RFX6: variants seen among roughly 807,000 people sequenced by gnomAD.
RFX6 encodes DNA-binding protein RFX6.
In RFX6, 50 loss-of-function variants were observed where a neutral mutation model predicts 110.8. That is an observed-to-expected ratio of 0.45 (90% confidence interval 0.36 to 0.57). The LOEUF is 0.57. Ranked by LOEUF, RFX6 falls within the 20% of genes least tolerant of loss-of-function variation. RFX6 has a pLI of 0.00. For missense variants in RFX6, 990 were observed against 1,127.0 expected, an observed-to-expected ratio of 0.88 and a Z score of 1.74; for synonymous variants, 383 against 411.2, an observed-to-expected ratio of 0.93 and a Z score of 0.83.
At chr6:116,909,941 A>G (rs996364410) in intron 6 of RFX6, among the ~76,000 whole-genome samples, 8 of 151,778 alleles carry the variant, frequency 5.3e-5, no homozygotes, top group African/African-American at 1.7e-4. Context: ...CTCTACCCTT[A>G]TAAGTTCTAG....
intron 6 of RFX6, among the ~76,000 whole-genome samples, chr6:116,910,548 G>A (rs576074015): frequency 4.6e-5 from 7 of 152,284 alleles, no homozygotes; most frequent in South Asian, 2.1e-4. Flanking sequence ...TTGTAAAAAG[G>A]AAGGTTGGAT....
At chr6:116,906,131 C>G (rs1399715061) in intron 6 of RFX6, among the ~76,000 whole-genome samples, 1 of 152,134 alleles carries the variant, frequency 6.6e-6, no homozygotes, top group Admixed American at 6.5e-5. Flanking sequence ...TAGAATTGTC[C>G]TTTCCCCATA....
chr6:116,930,126 A>G (rs924457159), intron 18 of RFX6, among the ~76,000 whole-genome samples: 5 of 152,204 alleles, frequency 3.3e-5, no homozygotes, highest in Non-Finnish European at 2.9e-5. Flanking sequence ...ACATAGGTTA[A>G]GAGTAGGGTG....
At chr6:116,917,938 C>A in intron 9 of RFX6, 99 bp from the exon 10 acceptor site, 1 of 810,592 alleles carries the variant, frequency 1.2e-6, no homozygotes, top group Non-Finnish European at 2.1e-6. Flanking sequence ...ACATGTTATT[C>A]TCTAGGAAGC....
At position 116,928,838 on chromosome 6, in the gene RFX6, C is replaced by T; in HGVS notation, c.2478C>T (p.Ser826=). 2 of 1,613,952 alleles carry T rather than the reference C, an allele frequency of 1.2e-6. No homozygotes were observed. Among genetic ancestry groups the T allele is most frequent in the African/African-American group, 1.3e-5 (1 of 75,050 alleles). ...SMVNQHVSVI[S]SIRSLPPYSD... ...TGAATCAGCACGTTTCTGTCATCAG[C>T]AGCATTCGTTCACTGCCCCCCTACA... Residue 826 remains serine, a synonymous_variant, in exon 18 of 19, where the codon AGC becomes AGT. Transcript: ENST00000332958.
At chr6:116,924,854 T>A (rs1040119432) in intron 15 of RFX6, 63 bp downstream of exon 15, 2 of 1,233,492 alleles carry the variant, frequency 1.6e-6, no homozygotes, top group Non-Finnish European at 2.4e-6. Flanking sequence ...TTCAAGAATT[T>A]ATAAGTTCAG....
intron 18 of RFX6, among the ~76,000 whole-genome samples, chr6:116,929,520 CATGTAAGTA>C (rs1363963361): frequency 6.6e-6 from 1 of 152,082 alleles, no homozygotes; most frequent in Non-Finnish European, 1.5e-5. Flanking sequence ...TCTAACATAT[CATGTAAGTA>C]AAAATAAGAA....
At position 116,915,904 on chromosome 6, in the gene RFX6, T is replaced by C; in HGVS notation, c.781-104T>C. On this transcript the variant is annotated intron_variant, in intron 7 of 18. Transcript: ENST00000332958. ...GAGTCCTCAACATTGAGCATACTGC[T>C]TGGTACGTAATAGGATCTTTTAAAA... 5 of 837,702 alleles carry C rather than the reference T, an allele frequency of 6.0e-6. No individual in the cohort carries two copies. The East Asian group carries it at 9.8e-5, about 16-fold the overall frequency. 51.9% of individuals were successfully genotyped at this position (837,702 alleles called of 1,614,324 possible).
intron 6 of RFX6, among the ~76,000 whole-genome samples, chr6:116,905,456 T>C (rs984327394): frequency 1.3e-5 from 2 of 152,182 alleles, no homozygotes; most frequent in African/African-American, 4.8e-5. Context: ...TTATGAAACA[T>C]GATTTGCAAA....
chr6:116,925,329 T>C, intron 15 of RFX6, 124 bp from the exon 16 acceptor site: 1 of 881,672 alleles, frequency 1.1e-6, no homozygotes, highest in Non-Finnish European at 1.9e-6. Flanking sequence ...ATGGGAAACA[T>C]TGCTTAGTAG....
rs138630874 is a variant in RFX6 at position 116,889,936 on chromosome 6, G to A, written c.567-4051G>A. ...CTATTACAGGGAGCTTACATTCTGC[G>A]AGTTTATACATGAAATGTCAAATAT... On this transcript the variant is annotated intron_variant, in intron 4 of 18. Coordinates refer to ENST00000332958, the MANE Select transcript of RFX6 (RefSeq NM_173560.4). 2.6e-3 allele frequency among the ~76,000 whole-genome samples: 400 copies of A among 151,962 alleles called. 2 individuals are homozygous for A. The highest frequency in any genetic ancestry group is 9.1e-3 in the African/African-American group (377 of 41,468).
intron 6 of RFX6, among the ~76,000 whole-genome samples, chr6:116,895,976 C>G (rs929579850): frequency 6.6e-6 from 1 of 152,176 alleles, no homozygotes; most frequent in African/African-American, 2.4e-5. Context: ...TGGCCAATTT[C>G]TTTCCACCAG....
At chr6:116,903,033 A>C (rs1316772163) in intron 6 of RFX6, among the ~76,000 whole-genome samples, 1 of 152,072 alleles carries the variant, frequency 6.6e-6, no homozygotes, top group African/African-American at 2.4e-5. Context: ...GGAAAAAACA[A>C]AACAAACCCA....
At chr6:116,924,597 C>A (rs1775668450) in intron 14 of RFX6, 72 bp from the exon 15 acceptor site, 3 of 1,357,182 alleles carry the variant, frequency 2.2e-6, no homozygotes, top group Admixed American at 3.4e-5. Context: ...ACTTCTCTTT[C>A]CCTTTCCTTC....
chr6:116,923,950 G>T (rs1331842148), intron 14 of RFX6, among the ~76,000 whole-genome samples: 2 of 151,994 alleles, frequency 1.3e-5, no homozygotes, highest in Non-Finnish European at 2.9e-5. Context: ...TAACTAAATT[G>T]TTTTTATTTA....
At chr6:116,906,428 T>C (rs1018486918) in intron 6 of RFX6, among the ~76,000 whole-genome samples, 2 of 152,230 alleles carry the variant, frequency 1.3e-5, no homozygotes, top group African/African-American at 4.8e-5. Context: ...CATTGAATCA[T>C]TGAATCTATA....
At chr6:116,915,176 C>G (rs1008598472) in intron 7 of RFX6, among the ~76,000 whole-genome samples, 1 of 152,084 alleles carries the variant, frequency 6.6e-6, no homozygotes, top group Non-Finnish European at 1.5e-5. Flanking sequence ...TAGCCTATTG[C>G]AAATTTTAGA....
chr6:116,887,695 A>T (rs1473898984), intron 4 of RFX6, among the ~76,000 whole-genome samples: 3 of 152,244 alleles, frequency 2.0e-5, no homozygotes, highest in Non-Finnish European at 4.4e-5. Flanking sequence ...ACAAAGCGTG[A>T]TGCTAAAGAG....
chr6:116,925,011 T>C (rs1489669618), intron 15 of RFX6, among the ~76,000 whole-genome samples: 1 of 152,212 alleles, frequency 6.6e-6, no homozygotes, highest in Non-Finnish European at 1.5e-5. Flanking sequence ...CTCTGAAGTA[T>C]ACAAAATTGG....
Sources: allele counts gnomAD v4.1 joint callset (sites outside exome capture counted in the v4.1 genomes callset), GRCh38; gene constraint gnomAD v4.1.1; transcripts MANE v1.5; gene names NCBI Gene and HGNC (gene_info 2026-07-23, HGNC 2026-07-21).